Variants in MTHFD1L observed in about 807,000 individuals in gnomAD.
MTHFD1L encodes monofunctional C1-tetrahydrofolate synthase, mitochondrial.
A neutral mutation model predicts 119.5 loss-of-function variants in MTHFD1L; 81 were observed. The ratio of observed to expected loss-of-function variants is 0.68; its 90% confidence interval spans 0.57 to 0.82. MTHFD1L has a LOEUF of 0.82. Among genes scored for constraint, MTHFD1L ranks in the 40% least tolerant of loss-of-function variants. The pLI is 0.00. For synonymous variants in MTHFD1L, 430 were observed against 475.2 expected, an observed-to-expected ratio of 0.90 and a Z score of 1.24; for missense variants, 1,125 against 1,253.4, an observed-to-expected ratio of 0.90 and a Z score of 1.55.
At chr6:150,919,389 A>G (rs1788529959) in intron 9 of MTHFD1L, among the ~76,000 whole-genome samples, 1 of 151,748 alleles carries the variant, frequency 6.6e-6, no homozygotes, top group African/African-American at 2.4e-5. Context: ...ACGCCTGGCT[A>G]ATTTTTTGTA....
rs1794493295 is a variant in MTHFD1L, at chr6:150,949,145, G to A, written c.1726+12G>A. ...CACGTGGCAGAGAGGTGGGTGCTGG[G>A]GAGATGCCAGCAGGCTGATGGCCAG... is the stretch of plus-strand genomic sequence containing the variant. On this transcript the variant is annotated intron_variant, in intron 16 of 27. Transcript: ENST00000367321. 1 of 1,610,630 alleles carries A rather than the reference G, an allele frequency of 6.2e-7. No individual in the cohort carries two copies. The highest frequency in any genetic ancestry group is 8.5e-7 in the Non-Finnish European group (1 of 1,177,112).
rs139165737 is a variant in MTHFD1L, at chr6:150,894,987, G to A, written c.780+7006G>A. Among the ~76,000 whole-genome samples, 796 of 152,316 alleles carry A rather than the reference G, an allele frequency of 5.2e-3. 2 individuals are homozygous for A. Among genetic ancestry groups the A allele is most frequent in the South Asian group, 9.8e-3 (47 of 4,818 alleles). Reference sequence around the variant, plus strand: ...GCATTTCCACGGAGACCCTAGAGGTGGGGAGGGGAAGAACGCCTGGGCATT... The same window carrying A: ...GCATTTCCACGGAGACCCTAGAGGTAGGGAGGGGAAGAACGCCTGGGCATT... On this transcript the variant is annotated intron_variant, in intron 7 of 27. Coordinates refer to ENST00000367321, the MANE Select transcript of MTHFD1L (RefSeq NM_015440.5).
At chr6:150,935,914 G>A (rs778038815) in intron 11 of MTHFD1L, among the ~76,000 whole-genome samples, 1 of 152,174 alleles carries the variant, frequency 6.6e-6, no homozygotes, top group Non-Finnish European at 1.5e-5. Context: ...CAATGCTTGT[G>A]ATGTACTAAA....
At chr6:151,029,296 C>A (rs9371489) in intron 24 of MTHFD1L, among the ~76,000 whole-genome samples, 9,589 of 151,668 alleles carry the variant, frequency 0.063, 993 homozygotes, top group East Asian at 0.55. Context: ...TGGCGGGAGC[C>A]TGTAATCCCA....
At chr6:150,921,811 A>T (rs1220690423) in intron 9 of MTHFD1L, among the ~76,000 whole-genome samples, 5 of 152,244 alleles carry the variant, frequency 3.3e-5, no homozygotes, top group Non-Finnish European at 7.3e-5. Context: ...GACTTGAAAT[A>T]ACCCTGGATG....
chr6:150,874,116 G>A (rs1239766872), intron 1 of MTHFD1L, among the ~76,000 whole-genome samples: 3 of 151,976 alleles, frequency 2.0e-5, no homozygotes, highest in South Asian at 2.1e-4. Flanking sequence ...GAAAGAGTGC[G>A]GTATATGGGC....
chr6:150,948,701 C>A lies in MTHFD1L; in HGVS notation c.1624-330C>A, dbSNP rs539893159. Reference sequence around the variant, plus strand: ...TGTTGCCCAGGCTGGAGTGCAATGGCACGATTTTGGCTCACCGCAACCTCC... The same window carrying A: ...TGTTGCCCAGGCTGGAGTGCAATGGAACGATTTTGGCTCACCGCAACCTCC... On this transcript the variant is annotated intron_variant, in intron 15 of 27. Coordinates refer to ENST00000367321, the MANE Select transcript of MTHFD1L (RefSeq NM_015440.5). Among the ~76,000 whole-genome samples, 25 of 151,454 alleles carry A rather than the reference C, an allele frequency of 1.7e-4. 1 individual carries two copies. The East Asian group carries it at 4.9e-3, about 30-fold the overall frequency.
intron 14 of MTHFD1L, 109 bp from the exon 15 acceptor site, chr6:150,945,358 C>G: frequency 1.2e-6 from 1 of 802,344 alleles, no homozygotes; most frequent in South Asian, 1.7e-5. Context: ...GGTCTTTTAT[C>G]TAAATAGTTC....
intron 9 of MTHFD1L, among the ~76,000 whole-genome samples, chr6:150,919,115 A>G (rs1466280032): frequency 6.6e-6 from 1 of 151,366 alleles, no homozygotes; most frequent in Non-Finnish European, 1.5e-5. Flanking sequence ...GTGAGCTGAG[A>G]TTGCACCACT....
intron 15 of MTHFD1L, among the ~76,000 whole-genome samples, 188 bp from the exon 16 acceptor site, chr6:150,948,843 G>A (rs533491414): frequency 2.6e-5 from 4 of 151,018 alleles, no homozygotes; most frequent in African/African-American, 9.6e-5. Flanking sequence ...GTTTCTCCAT[G>A]TTGGTCAGGC....
intron 12 of MTHFD1L, among the ~76,000 whole-genome samples, chr6:150,937,154 G>A (rs190341800): frequency 6.6e-6 from 1 of 150,998 alleles, no homozygotes; most frequent in East Asian, 1.9e-4. Context: ...GGATGCCTCA[G>A]GAGCCTGTTC....
intron 1 of MTHFD1L, among the ~76,000 whole-genome samples, chr6:150,870,510 G>T (rs1371391168): frequency 2.0e-5 from 3 of 152,038 alleles, no homozygotes; most frequent in Non-Finnish European, 2.9e-5. Context: ...GGGGAATATC[G>T]CAGTAAAACG....
chr6:150,976,056 C>T (rs546164227), intron 20 of MTHFD1L, among the ~76,000 whole-genome samples: 69 of 152,148 alleles, frequency 4.5e-4, no homozygotes, highest in South Asian at 2.5e-3. Context: ...AAAAATTTAG[C>T]GGGGCTTGGT....
chr6:150,995,653 C>T (rs947639017), intron 20 of MTHFD1L, among the ~76,000 whole-genome samples: 1 of 151,854 alleles, frequency 6.6e-6, no homozygotes, highest in East Asian at 1.9e-4. Context: ...TTTCCAATAA[C>T]ATATCGCTAA....
chr6:151,002,965 A>G (rs992677468), intron 20 of MTHFD1L, among the ~76,000 whole-genome samples: 1 of 152,244 alleles, frequency 6.6e-6, no homozygotes. Flanking sequence ...TGCCATTTAC[A>G]ACAATCAAAA....
intron 26 of MTHFD1L, among the ~76,000 whole-genome samples, chr6:151,063,774 T>C (rs1562617884): frequency 6.6e-6 from 1 of 152,094 alleles, no homozygotes; most frequent in Non-Finnish European, 1.5e-5. Context: ...AACATCCAAA[T>C]GTCAAGAATG....
intron 7 of MTHFD1L, among the ~76,000 whole-genome samples, chr6:150,903,950 A>G (rs2128838668): frequency 6.6e-6 from 1 of 152,340 alleles, no homozygotes; most frequent in South Asian, 2.1e-4. Context: ...CTATGAAAAG[A>G]CATGCATTTA....
chr6:150,868,304 TACAAG>T (rs1778777743), intron 1 of MTHFD1L, among the ~76,000 whole-genome samples: 1 of 151,578 alleles, frequency 6.6e-6, no homozygotes, highest in Admixed American at 6.6e-5. Context: ...GACTGTCACA[TACAAG>T]ACAAGTCCCT....
chr6:150,992,916 G>C (rs1779249097), intron 20 of MTHFD1L, among the ~76,000 whole-genome samples: 1 of 152,206 alleles, frequency 6.6e-6, no homozygotes, highest in South Asian at 2.1e-4. Flanking sequence ...TGCTTTCCAA[G>C]GGCAGCAAGC....
Sources: allele counts gnomAD v4.1 joint callset (sites outside exome capture counted in the v4.1 genomes callset), GRCh38; gene constraint gnomAD v4.1.1; transcripts MANE v1.5; gene names NCBI Gene and HGNC (gene_info 2026-07-23, HGNC 2026-07-21).